Variants in LRRC7 observed in about 807,000 individuals in gnomAD.
LRRC7 encodes leucine rich repeat containing 7.
In LRRC7, 23 loss-of-function variants were observed where a neutral mutation model predicts 175.7. The ratio of observed to expected loss-of-function variants is 0.13; its 90% CI spans 0.09 to 0.19. The LOEUF is 0.19. LRRC7 is among the 10% of genes least tolerant of loss of function. LRRC7 has a pLI of 1.00. For missense variants in LRRC7, 1,354 were observed against 1,904.7 expected (o/e 0.71, Z 5.38); for synonymous variants, 685 against 680.9 (o/e 1.01, Z -0.09).
chr1:70,037,822 T>C (rs1353273391), intron 20 of LRRC7, among the ~76,000 whole-genome samples: 2 of 152,118 alleles, frequency 1.3e-5, no homozygotes, highest in Non-Finnish European at 2.9e-5. Flanking sequence ...ATCTCTACCA[T>C]TGTGAGTTTA....
At chr1:70,015,291 T>C (rs1234639764) in intron 13 of LRRC7, among the ~76,000 whole-genome samples, 1 of 152,108 alleles carries the variant, frequency 6.6e-6, no homozygotes, top group Admixed American at 6.5e-5. Flanking sequence ...TTTTAATATT[T>C]CTATTGCCTT....
chr1:69,888,613 G>C (rs1241343268), intron 7 of LRRC7, among the ~76,000 whole-genome samples: 2 of 152,244 alleles, frequency 1.3e-5, no homozygotes, highest in Non-Finnish European at 2.9e-5. Context: ...TACCGGAGCT[G>C]TTCCTATTCG....
chr1:69,981,048 A>T (rs1653372794), intron 9 of LRRC7, among the ~76,000 whole-genome samples: 1 of 152,168 alleles, frequency 6.6e-6, no homozygotes, highest in Non-Finnish European at 1.5e-5. Context: ...ATTGAGTGTG[A>T]TTATTCCTAC....
chr1:69,922,226 C>T (rs906005805), intron 7 of LRRC7, among the ~76,000 whole-genome samples: 22 of 152,264 alleles, frequency 1.4e-4, no homozygotes, highest in African/African-American at 5.3e-4. Flanking sequence ...GTGCCCGGCA[C>T]ATTTTTCTTA....
chr1:69,917,964 T>C (rs1029059202), intron 7 of LRRC7, among the ~76,000 whole-genome samples: 1 of 152,214 alleles, frequency 6.6e-6, no homozygotes, highest in Non-Finnish European at 1.5e-5. Context: ...TGCAAGTACA[T>C]GTGATTTTCA....
At chr1:70,084,968 T>C (rs1015565008) in intron 24 of LRRC7, among the ~76,000 whole-genome samples, 1 of 152,168 alleles carries the variant, frequency 6.6e-6, no homozygotes, top group Admixed American at 6.5e-5. Context: ...TCTTTAAAAA[T>C]ATTTTGCCTA....
intron 5 of LRRC7, among the ~76,000 whole-genome samples, chr1:69,832,074 G>T (rs1002941078): frequency 6.6e-6 from 1 of 151,960 alleles, no homozygotes; most frequent in African/African-American, 2.4e-5. Context: ...AGAAGCAGAC[G>T]TTTAGAAAAG....
At chr1:69,988,567 G>C (rs1418793096) in intron 10 of LRRC7, among the ~76,000 whole-genome samples, 1 of 152,126 alleles carries the variant, frequency 6.6e-6, no homozygotes, top group African/African-American at 2.4e-5. Context: ...CGTGAAATAA[G>C]AAATAGAAGG....
chr1:69,798,697 C>T (rs1676095334), intron 4 of LRRC7, among the ~76,000 whole-genome samples: 1 of 152,086 alleles, frequency 6.6e-6, no homozygotes, highest in South Asian at 2.1e-4. Context: ...ATCTCAATCC[C>T]TTCCCACTTC....
chr1:69,676,989 A>G (rs549242678), intron 1 of LRRC7, among the ~76,000 whole-genome samples: 1 of 151,794 alleles, frequency 6.6e-6, no homozygotes, highest in Admixed American at 6.6e-5. Context: ...GTGCTTTTGC[A>G]TACTCATACC....
At chr1:69,909,491 GCTTGT>G (rs1557876757) in intron 7 of LRRC7, among the ~76,000 whole-genome samples, 1 of 152,046 alleles carries the variant, frequency 6.6e-6, no homozygotes, top group African/African-American at 2.4e-5. Context: ...GCCAGCATTT[GCTTGT>G]CTGTAAAGTA....
intron 1 of LRRC7, among the ~76,000 whole-genome samples, chr1:69,601,261 A>C (rs111743387): frequency 0.064 from 9,808 of 152,264 alleles, 360 homozygotes; most frequent in Middle Eastern, 0.11. Context: ...GTATAGATAC[A>C]CATATTCAGA....
intron 15 of LRRC7, among the ~76,000 whole-genome samples, chr1:70,019,716 C>T (rs1241616307): frequency 6.6e-6 from 1 of 151,702 alleles, no homozygotes; most frequent in East Asian, 1.9e-4. Context: ...ATTTTGTCTA[C>T]AGAAGTAGGA....
At chr1:70,013,971 T>C (rs937318482) in intron 13 of LRRC7, 1 of 152,030 alleles carries the variant, frequency 6.6e-6, no homozygotes, top group Non-Finnish European at 1.5e-5. Context: ...AATGTGAACT[T>C]CAAAACTTCA....
At chr1:69,601,422 C>T (rs1647068006) in intron 1 of LRRC7, among the ~76,000 whole-genome samples, 1 of 152,104 alleles carries the variant, frequency 6.6e-6, no homozygotes, top group Non-Finnish European at 1.5e-5. Context: ...AACTGGTTTC[C>T]AACATCTACC....
intron 1 of LRRC7, chr1:69,607,183 G>A (rs551128134): frequency 6.6e-6 from 1 of 152,058 alleles, no homozygotes; most frequent in African/African-American, 2.4e-5. Flanking sequence ...CTTCTGGATG[G>A]AAGCATGGTA....
intron 6 of LRRC7, among the ~76,000 whole-genome samples, chr1:69,836,244 C>T (rs1052473648): frequency 1.3e-5 from 2 of 152,050 alleles, no homozygotes; most frequent in South Asian, 2.1e-4. Context: ...TTGCAGATCA[C>T]GACATCACTA....
At chr1:69,772,159 T>G (rs982143327) in intron 3 of LRRC7, among the ~76,000 whole-genome samples, 4 of 151,154 alleles carry the variant, frequency 2.6e-5, no homozygotes, top group East Asian at 2.0e-4. Context: ...AAAAAGAAAA[T>G]AAAATAAAGG....
At chr1:69,825,866 C>A in intron 5 of LRRC7, 40 bp downstream of exon 5, 1 of 1,307,982 alleles carries the variant, frequency 7.6e-7, no homozygotes, top group African/African-American at 1.5e-5. Flanking sequence ...ATTTATATTT[C>A]CATTGTATAA....
Sources: gnomAD v4.1 joint callset for allele counts (sites outside exome capture counted in the v4.1 genomes callset) on GRCh38, gnomAD v4.1.1 for gene constraint, MANE v1.5 for transcripts, NCBI Gene and HGNC (gene_info 2026-07-23, HGNC 2026-07-21) for gene names.